CSMD1: variants seen among roughly 807,000 people sequenced by gnomAD.
CSMD1 encodes CUB and sushi domain-containing protein 1.
A neutral mutation model predicts 417.5 loss-of-function variants in CSMD1; 213 were observed. That is an observed-to-expected ratio of 0.51 (90% CI 0.46 to 0.57). The LOEUF (loss-of-function observed/expected upper bound fraction) is 0.57, where lower values mean the gene tolerates loss of function less well. Ranked by LOEUF, CSMD1 falls within the 20% of genes least tolerant of loss-of-function variation. The pLI, the probability that CSMD1 is intolerant of heterozygous loss-of-function variation, is 0.00. For synonymous variants in CSMD1, 2,862 were observed against 1,736.8 expected (o/e 1.65, Z -16.11); for missense variants, 6,923 against 4,529.7 (o/e 1.53, Z -15.17).
intron 3 of CSMD1, among the ~76,000 whole-genome samples, chr8:4,211,863 T>A (rs181544767): frequency 6.6e-6 from 1 of 152,202 alleles, no homozygotes; most frequent in Admixed American, 6.5e-5. Context: ...TAACTTGCTT[T>A]AATAACCCAA....
intron 8 of CSMD1, among the ~76,000 whole-genome samples, chr8:3,594,388 G>A (rs750912472): frequency 4.6e-5 from 7 of 152,054 alleles, no homozygotes; most frequent in Non-Finnish European, 8.8e-5. Flanking sequence ...TTTGGGTTAC[G>A]TCTTGAAAGA....
chr8:4,923,980 T>C (rs562006321), intron 1 of CSMD1, among the ~76,000 whole-genome samples: 4 of 152,272 alleles, frequency 2.6e-5, no homozygotes, highest in African/African-American at 7.2e-5. Context: ...CATCCTTTGA[T>C]AGTTTAAGAA....
At chr8:4,398,462 C>G (rs34761562) in intron 3 of CSMD1, among the ~76,000 whole-genome samples, 1 of 135,102 alleles carries the variant, frequency 7.4e-6, no homozygotes, top group African/African-American at 2.7e-5. Flanking sequence ...GGTGCGATCT[C>G]GGCTCACTGC....
chr8:4,432,431 T>G (rs1343483392), intron 2 of CSMD1, among the ~76,000 whole-genome samples: 1 of 152,120 alleles, frequency 6.6e-6, no homozygotes, highest in East Asian at 1.9e-4. Flanking sequence ...ATTTGGAGCC[T>G]GGTGAAAAGA....
At chr8:3,446,233 T>C (rs918315193) in intron 12 of CSMD1, among the ~76,000 whole-genome samples, 5 of 152,206 alleles carry the variant, frequency 3.3e-5, no homozygotes, top group African/African-American at 1.2e-4. Context: ...TCCTAGTCCT[T>C]GGAAGAGGGA....
At chr8:4,989,248 T>G (rs1811341600) in intron 1 of CSMD1, among the ~76,000 whole-genome samples, 1 of 152,156 alleles carries the variant, frequency 6.6e-6, no homozygotes, top group Non-Finnish European at 1.5e-5. Context: ...TTGGCTCAGG[T>G]TGCATATCCA....
intron 5 of CSMD1, among the ~76,000 whole-genome samples, chr8:3,891,804 T>A: frequency 6.6e-6 from 1 of 152,148 alleles, no homozygotes; most frequent in Non-Finnish European, 1.5e-5. Context: ...GCACATCAAT[T>A]ATTTCTACAA....
intron 24 of CSMD1, among the ~76,000 whole-genome samples, 181 bp from the exon 25 acceptor site, chr8:3,308,002 C>T (rs907001800): frequency 6.6e-6 from 1 of 152,150 alleles, no homozygotes; most frequent in African/African-American, 2.4e-5. Context: ...TGTGGAAAGT[C>T]TTTATCCTCC....
At chr8:3,911,203 T>C (rs1400500467) in intron 5 of CSMD1, among the ~76,000 whole-genome samples, 2 of 152,334 alleles carry the variant, frequency 1.3e-5, no homozygotes, top group South Asian at 2.1e-4. Flanking sequence ...GGGGACTAGA[T>C]GTCAGCATCT....
chr8:3,114,431 TATA>T (rs1047989338), intron 42 of CSMD1, among the ~76,000 whole-genome samples: 2 of 149,622 alleles, frequency 1.3e-5, no homozygotes, highest in African/African-American at 2.4e-5. Context: ...AATATAAAAA[TATA>T]ATAAATATGT....
rs1023729855 is a variant in CSMD1 at position 3,856,956 on chromosome 8, G to C, written c.819-102914C>G. Among the ~76,000 whole-genome samples the C allele has an allele frequency of 1.3e-4, 19 of 151,944 alleles. 1 individual carries two copies. Among genetic ancestry groups the C allele is most frequent in the South Asian group, 4.1e-4 (2 of 4,824 alleles). On this transcript the variant is annotated intron_variant, in intron 5 of 69. Coordinates refer to ENST00000635120, the MANE Select transcript of CSMD1 (RefSeq NM_033225.6). ...GCCTAGCTATCCTGACAGGTACAAA[G>C]AATCAAGTAGAATTTGGAATTTTTT... is the stretch of plus-strand genomic sequence containing the variant.
At chr8:4,733,575 G>C (rs1810037877) in intron 1 of CSMD1, among the ~76,000 whole-genome samples, 2 of 152,202 alleles carry the variant, frequency 1.3e-5, no homozygotes, top group Admixed American at 1.3e-4. Flanking sequence ...TGTGGTGTAA[G>C]ACGTTAAATA....
intron 5 of CSMD1, among the ~76,000 whole-genome samples, chr8:3,996,143 G>T (rs958048410): frequency 6.6e-6 from 1 of 152,066 alleles, no homozygotes; most frequent in East Asian, 1.9e-4. Flanking sequence ...AGCTGCCACT[G>T]ATCATAGGTT....
At chr8:3,751,793 C>T (rs1797356572) in intron 6 of CSMD1, among the ~76,000 whole-genome samples, 2 of 152,076 alleles carry the variant, frequency 1.3e-5, no homozygotes, top group Non-Finnish European at 2.9e-5. Context: ...ATGCCAAGTT[C>T]ACTGATCAGG....
chr8:3,824,041 T>C (rs2129084071), intron 5 of CSMD1, among the ~76,000 whole-genome samples: 1 of 152,284 alleles, frequency 6.6e-6, no homozygotes, highest in South Asian at 2.1e-4. Context: ...TGCCCAAAAG[T>C]CTGATATTTC....
At chr8:4,762,667 T>C (rs1009805954) in intron 1 of CSMD1, among the ~76,000 whole-genome samples, 2 of 152,008 alleles carry the variant, frequency 1.3e-5, no homozygotes, top group Admixed American at 6.6e-5. Context: ...AGCTGTGTGG[T>C]TCTCTATCAA....
Position 4,187,458 on chromosome 8 carries a change from A to G in CSMD1, c.416-155359T>C, listed in dbSNP as rs139961344. On this transcript the variant is annotated intron_variant, in intron 3 of 69. Coordinates refer to ENST00000635120, the MANE Select transcript of CSMD1 (RefSeq NM_033225.6). ...GGTCAGGAAGAGACCAGCCTGATCAACATGGTGAAACCCCGTCGCTACTAA... is the reference window on the plus strand; with the variant it reads ...GGTCAGGAAGAGACCAGCCTGATCAGCATGGTGAAACCCCGTCGCTACTAA... 1.6e-3 allele frequency among the ~76,000 whole-genome samples: 241 copies of G among 152,252 alleles called. 2 individuals carry two copies. Among genetic ancestry groups the G allele is most frequent in the African/African-American group, 5.7e-3 (238 of 41,554 alleles).
intron 7 of CSMD1, among the ~76,000 whole-genome samples, chr8:3,689,630 C>T (rs535667333): frequency 6.6e-6 from 1 of 152,270 alleles, no homozygotes; most frequent in Non-Finnish European, 1.5e-5. Flanking sequence ...AGTGTGCTTA[C>T]TATGTGGCAG....
chr8:3,883,134 C>G (rs747998100), intron 5 of CSMD1, among the ~76,000 whole-genome samples: 1 of 152,082 alleles, frequency 6.6e-6, no homozygotes, highest in Non-Finnish European at 1.5e-5. Context: ...ATAAAAATAA[C>G]CACATCATAC....
Sources: allele counts gnomAD v4.1 joint callset (sites outside exome capture counted in the v4.1 genomes callset), GRCh38; gene constraint gnomAD v4.1.1; transcripts MANE v1.5; gene names NCBI Gene and HGNC (gene_info 2026-07-23, HGNC 2026-07-21).